The following CCNH variants were observed in gnomAD, a reference collection of about 807,000 sequenced individuals.
CCNH encodes cyclin-H.
CCNH carries 31 observed loss-of-function variants against 41.9 expected under a neutral mutation model. The ratio of observed to expected loss-of-function variants is 0.74; its 90% CI spans 0.56 to 1.00. CCNH has a LOEUF of 1.00. Among genes scored for constraint, CCNH ranks in the 50% least tolerant of loss-of-function variants. The probability of loss-of-function intolerance (pLI) is 0.00; values close to 1 mark genes in which losing one functional copy is unlikely to be tolerated. For synonymous variants in CCNH, 138 were observed against 136.1 expected (o/e 1.01, Z -0.10); for missense variants, 362 against 388.4 (o/e 0.93, Z 0.57).
At chr5:87,372,534 A>G (rs1252726143), downstream of CCNH, among the ~76,000 whole-genome samples, 2 of 152,198 alleles carry the variant, frequency 1.3e-5, no homozygotes, top group Non-Finnish European at 2.9e-5. Context: ...CATCAGATTT[A>G]TAGCACTAAT....
intron 4 of CCNH, among the ~76,000 whole-genome samples, chr5:87,406,007 C>T (rs1763762700): frequency 6.6e-6 from 1 of 152,096 alleles, no homozygotes; most frequent in African/African-American, 2.4e-5. Context: ...TTTCCACAGA[C>T]AATTGACTCT....
chr5:87,396,397 G>A (rs1178751878), intron 7 of CCNH, among the ~76,000 whole-genome samples: 3 of 152,098 alleles, frequency 2.0e-5, no homozygotes, highest in African/African-American at 7.2e-5. Flanking sequence ...TGAGGCGGGC[G>A]GATCACGACG....
At chr5:87,373,368 A>G (rs992874532), downstream of CCNH, among the ~76,000 whole-genome samples, 1 of 152,166 alleles carries the variant, frequency 6.6e-6, no homozygotes, top group East Asian at 1.9e-4. Flanking sequence ...CATAGATTTT[A>G]TGCAGATACT....
At chr5:87,351,222 TCAG>T (rs1580330033) in intron 9 of CCNH, among the ~76,000 whole-genome samples, 2 of 151,718 alleles carry the variant, frequency 1.3e-5, no homozygotes, top group Non-Finnish European at 3.0e-5. Context: ...CAAATTTAAT[TCAG>T]CAGCCATTTA....
chr5:87,346,805 C>T (rs1758896307), intron 9 of CCNH: 17 of 1,120,700 alleles, frequency 1.5e-5, no homozygotes, highest in Non-Finnish European at 2.0e-5. Flanking sequence ...ATGTGTTTTG[C>T]CTTTAGCATT....
downstream of CCNH, chr5:87,392,103 A>G (rs1762567942): frequency 2.9e-6 from 1 of 339,346 alleles, no homozygotes; most frequent in Admixed American, 4.1e-5. Context: ...TCCCTCTCAT[A>G]ATTGTGCAGG....
At chr5:87,366,379 C>T (rs1350056792) in intron 9 of CCNH, 4 of 428,582 alleles carry the variant, frequency 9.3e-6, no homozygotes, top group African/African-American at 2.0e-5. Flanking sequence ...TCTGTTGGCA[C>T]AATCAAAAGA....
chr5:87,410,018 TGACTTATCTAGGTCACACA>T (rs1250601463), intron 2 of CCNH, among the ~76,000 whole-genome samples: 1 of 152,206 alleles, frequency 6.6e-6, no homozygotes, highest in African/African-American at 2.4e-5. Flanking sequence ...TGAGGTTAAC[TGACTTATCTAGGTCACACA>T]GCTAATAAGG....
At chr5:87,396,438 C>T (rs544969691) in intron 7 of CCNH, among the ~76,000 whole-genome samples, 6 of 152,030 alleles carry the variant, frequency 3.9e-5, no homozygotes, top group African/African-American at 9.6e-5. Flanking sequence ...TTGGCTAACA[C>T]GGTAAAATCC....
chr5:87,394,392 A>C lies in CCNH; in HGVS notation c.*54T>G. ...CTTTTTAAATAAAGTTAAACGTTTG[A>C]TATGCTTCCTACTTCTCTTGATTAG... On this transcript the variant is annotated 3_prime_UTR_variant, in exon 9 of 9. Coordinates refer to ENST00000256897, the MANE Select transcript of CCNH (RefSeq NM_001239.4). 6.3e-7 allele frequency: 1 copy of C among 1,584,444 alleles called. No homozygotes were observed. Among genetic ancestry groups the C allele is most frequent in the South Asian group, 1.2e-5 (1 of 86,152 alleles).
intron 7 of CCNH, among the ~76,000 whole-genome samples, chr5:87,396,603 C>G (rs916455502): frequency 6.6e-6 from 1 of 151,984 alleles, no homozygotes; most frequent in Non-Finnish European, 1.5e-5. Context: ...CTGGGTGACA[C>G]AGCAAGACTC....
At chr5:87,383,731 A>G (rs773449952) in intron 9 of CCNH, 1 of 1,609,460 alleles carries the variant, frequency 6.2e-7, no homozygotes, top group South Asian at 1.1e-5. Context: ...TTTTTCTTCG[A>G]CTCATCTGTC....
At chr5:87,341,222 C>T in intron 9 of CCNH, 2 of 945,392 alleles carry the variant, frequency 2.1e-6, no homozygotes, top group Non-Finnish European at 2.8e-6. Flanking sequence ...ATACGATTTT[C>T]ATGAATTTTA....
intron 9 of CCNH, among the ~76,000 whole-genome samples, chr5:87,342,300 C>T (rs908891160): frequency 5.9e-5 from 9 of 151,792 alleles, no homozygotes; most frequent in East Asian, 3.9e-4. Context: ...CTGGGACCAC[C>T]GGCGCACAAC....
At chr5:87,380,627 A>G (rs1761642548), upstream of CCNH, 4 of 1,510,678 alleles carry the variant, frequency 2.6e-6, no homozygotes, top group Non-Finnish European at 3.7e-6. Flanking sequence ...GTTAAATCAC[A>G]TACTAATAGG....
downstream of CCNH, among the ~76,000 whole-genome samples, chr5:87,388,307 T>G (rs980787217): frequency 6.6e-6 from 1 of 152,204 alleles, no homozygotes; most frequent in Non-Finnish European, 1.5e-5. Flanking sequence ...AAGCAAATAC[T>G]GTCACCATTT....
downstream of CCNH, among the ~76,000 whole-genome samples, chr5:87,387,315 T>G (rs888659847): frequency 1.3e-5 from 2 of 152,188 alleles, no homozygotes; most frequent in Non-Finnish European, 2.9e-5. Context: ...CTGAAAAGTC[T>G]TCTTTTCTAG....
At chr5:87,317,310 A>G (rs1301738680), downstream of CCNH, among the ~76,000 whole-genome samples, 2 of 152,064 alleles carry the variant, frequency 1.3e-5, no homozygotes, top group Non-Finnish European at 2.9e-5. Flanking sequence ...CCATTTTACC[A>G]CACTGCTTAA....
Position 87,320,079 on chromosome 5 carries a change from C to G in CCNH, c.*91-1182G>C, listed in dbSNP as rs1023920957. ...AGGGGCACAATGCTGCCAGTCTCTG[C>G]TAAATCATAGCAAGAGTGACCGTTA... On this transcript the variant is annotated intron_variant and NMD_transcript_variant, in intron 9 of 9. Transcript: ENST00000645953. 2.0e-5 allele frequency among the ~76,000 whole-genome samples: 3 copies of G among 152,302 alleles called. No homozygotes were observed. The East Asian group carries it at 5.8e-4, about 29-fold the overall frequency.
Sources: gnomAD v4.1 joint callset for allele counts (sites outside exome capture counted in the v4.1 genomes callset) on GRCh38, gnomAD v4.1.1 for gene constraint, MANE v1.5 for transcripts, NCBI Gene and HGNC (gene_info 2026-07-23, HGNC 2026-07-21) for gene names.